BRINP2: variants seen among roughly 807,000 people sequenced by gnomAD.
BRINP2 encodes BMP/retinoic acid inducible neural specific 2.
In BRINP2, 21 loss-of-function variants were observed where a neutral mutation model predicts 69.2. The observed-to-expected ratio is 0.30, with a 90% CI of 0.22 to 0.44. The LOEUF (loss-of-function observed/expected upper bound fraction) is 0.44. BRINP2 is among the 20% of genes least tolerant of loss of function. The pLI is 1.00. For synonymous variants in BRINP2, 380 were observed against 394.1 expected, an observed-to-expected ratio of 0.96 and a Z score of 0.42; for missense variants, 877 against 986.0, an observed-to-expected ratio of 0.89 and a Z score of 1.48.
chr1:177,262,953 C>A (rs936792714), intron 4 of BRINP2, among the ~76,000 whole-genome samples: 5 of 152,054 alleles, frequency 3.3e-5, no homozygotes, highest in Non-Finnish European at 1.5e-5. Context: ...CTACATTTAG[C>A]AGTTCATGTA....
At chr1:177,212,523 C>T (rs1054382639) in intron 1 of BRINP2, among the ~76,000 whole-genome samples, 4 of 149,646 alleles carry the variant, frequency 2.7e-5, no homozygotes, top group Non-Finnish European at 5.9e-5. Flanking sequence ...CCAGCCTGGG[C>T]GACAGAGCAA....
chr1:177,213,528 G>C (rs974270908), intron 1 of BRINP2, among the ~76,000 whole-genome samples: 3 of 152,136 alleles, frequency 2.0e-5, no homozygotes, highest in African/African-American at 7.2e-5. Flanking sequence ...TTAAAATACT[G>C]AATAATAAAG....
chr1:177,215,870 A>G (rs1033094249), intron 1 of BRINP2, among the ~76,000 whole-genome samples: 1 of 152,070 alleles, frequency 6.6e-6, no homozygotes, highest in African/African-American at 2.4e-5. Flanking sequence ...TAATGAATTG[A>G]TTATATAATG....
rs745488797 is a variant in BRINP2, at chr1:177,281,488, C to G, written c.2312C>G (p.Pro771Arg). 1 of 1,611,786 alleles carries G rather than the reference C, an allele frequency of 6.2e-7. No homozygotes were observed. ...SSLRAFNSKL[P>R]NPVEYETGKL... ...CTGAGGGCTTTCAATTCTAAGCTGCCAAACCCTGTGGAATATGAGACCGGC... is the reference window on the plus strand; with the variant it reads ...CTGAGGGCTTTCAATTCTAAGCTGCGAAACCCTGTGGAATATGAGACCGGC... The change falls in exon 8 of 8, where the codon CCA (proline) becomes CGA (arginine). Residue 771 changes from proline (P) to arginine (R), a missense_variant. This residue lies in a region of BRINP2 where 225 missense variants were observed against 218.7 expected (regional missense o/e 1.03). Transcript: ENST00000361539.
At chr1:177,259,266 G>C (rs1650865104) in intron 4 of BRINP2, among the ~76,000 whole-genome samples, 1 of 152,196 alleles carries the variant, frequency 6.6e-6, no homozygotes, top group African/African-American at 2.4e-5. Context: ...CTAATCCAGA[G>C]TAAGGCCCTG....
At position 177,276,142 on chromosome 1, in the gene BRINP2, G is replaced by A. The variant is rs544508224; in HGVS notation, c.776-56G>A. On this transcript the variant is annotated intron_variant, in intron 5 of 7. Coordinates refer to ENST00000361539, the MANE Select transcript of BRINP2 (RefSeq NM_021165.4). ...GGGATTCCTGCAGGCTTGGGCATGG[G>A]AAACTGAGTCCTCACTGGTTCTTCC... 8.2e-4 allele frequency: 1,242 copies of A among 1,521,312 alleles called. 20 individuals carry two copies. In the South Asian group the frequency reaches 0.01, roughly 12 times the overall value. 94.2% of individuals were successfully genotyped at this position (1,521,312 alleles called of 1,614,324 possible).
chr1:177,180,006 C>G (rs888178766), intron 1 of BRINP2, among the ~76,000 whole-genome samples: 3 of 152,160 alleles, frequency 2.0e-5, no homozygotes, highest in Non-Finnish European at 4.4e-5. Context: ...GAATGAATAT[C>G]TCTTATAATA....
At chr1:177,279,200 C>T (rs1189616496) in intron 7 of BRINP2, among the ~76,000 whole-genome samples, 1 of 152,148 alleles carries the variant, frequency 6.6e-6, no homozygotes, top group Admixed American at 6.5e-5. Context: ...TGGAGACCTG[C>T]ACCCTCAGGG....
chr1:177,278,536 G>T (rs908637222), intron 6 of BRINP2, 27 bp from the exon 7 acceptor site: 17 of 1,609,770 alleles, frequency 1.1e-5, no homozygotes, highest in African/African-American at 8.0e-5. Context: ...CTACCCGTCA[G>T]CTCAGGTCCT....
chr1:177,230,244 G>A, intron 2 of BRINP2, 99 bp downstream of exon 2: 1 of 1,325,600 alleles, frequency 7.5e-7, no homozygotes, highest in Non-Finnish European at 1.0e-6. Flanking sequence ...AGGCTGGAAT[G>A]CCCTCAAACT....
intron 4 of BRINP2, among the ~76,000 whole-genome samples, chr1:177,260,485 G>A (rs557336046): frequency 6.6e-6 from 1 of 152,338 alleles, no homozygotes; most frequent in South Asian, 2.1e-4. Flanking sequence ...AAGTTCTATT[G>A]TTGGTAAAAT....
intron 2 of BRINP2, among the ~76,000 whole-genome samples, chr1:177,241,466 G>A (rs538683505): frequency 1.2e-4 from 18 of 152,166 alleles, no homozygotes; most frequent in African/African-American, 4.1e-4. Flanking sequence ...TCCTAGACTC[G>A]TTAGCGCTTT....
At chr1:177,261,929 TG>T (rs958001120) in intron 4 of BRINP2, among the ~76,000 whole-genome samples, 1 of 152,292 alleles carries the variant, frequency 6.6e-6, no homozygotes, top group Admixed American at 6.5e-5. Context: ...CAACTGTGGC[TG>T]TTGAGCAGTC....
chr1:177,265,439 T>C (rs1306835779), intron 4 of BRINP2, among the ~76,000 whole-genome samples: 10 of 152,354 alleles, frequency 6.6e-5, no homozygotes, highest in Non-Finnish European at 1.5e-4. Context: ...AATCTAGGAC[T>C]TCATCAACTT....
At chr1:177,256,761 G>A in intron 3 of BRINP2, 1 of 1,089,542 alleles carries the variant, frequency 9.2e-7, no homozygotes, top group South Asian at 2.7e-5. Flanking sequence ...TCGGCACGCG[G>A]CAGGTGTTGA....
intron 1 of BRINP2, among the ~76,000 whole-genome samples, chr1:177,215,066 A>C (rs1649336531): frequency 6.6e-6 from 1 of 152,184 alleles, no homozygotes; most frequent in Non-Finnish European, 1.5e-5. Flanking sequence ...CAGTCTCCCC[A>C]GTCTTCAGCC....
intron 1 of BRINP2, among the ~76,000 whole-genome samples, chr1:177,175,599 C>A (rs1648066707): frequency 1.3e-5 from 2 of 152,184 alleles, no homozygotes. Context: ...TGGCCCCATT[C>A]CAACATAGAG....
intron 1 of BRINP2, among the ~76,000 whole-genome samples, chr1:177,221,017 T>C (rs1649516092): frequency 6.6e-6 from 1 of 152,206 alleles, no homozygotes; most frequent in Non-Finnish European, 1.5e-5. Flanking sequence ...TTTTAGACTT[T>C]TCTTCAATCT....
intron 1 of BRINP2, among the ~76,000 whole-genome samples, chr1:177,228,554 T>C (rs1203065787): frequency 6.6e-6 from 1 of 152,148 alleles, no homozygotes; most frequent in African/African-American, 2.4e-5. Context: ...TTAACACTCC[T>C]TGCCTCATCC....
Sources: gnomAD v4.1 joint callset for allele counts (sites outside exome capture counted in the v4.1 genomes callset) on GRCh38, gnomAD v4.1.1 for gene constraint, gnomAD v4.1.1 regional missense constraint, MANE v1.5 for transcripts, NCBI Gene and HGNC (gene_info 2026-07-23, HGNC 2026-07-21) for gene names.